Variants in NR3C2 observed in about 807,000 individuals in gnomAD.
NR3C2 encodes nuclear receptor subfamily 3 group C member 2.
NR3C2 carries 15 observed loss-of-function variants against 86.4 expected under a neutral mutation model. That is an observed-to-expected ratio of 0.17 (90% confidence interval 0.12 to 0.27). The LOEUF (loss-of-function observed/expected upper bound fraction) is 0.27, where lower values mean the gene tolerates loss of function less well. Among genes scored for constraint, NR3C2 ranks in the 10% least tolerant of loss-of-function variants. NR3C2 has a pLI of 1.00. For missense variants in NR3C2, 960 were observed against 1,195.6 expected, an observed-to-expected ratio of 0.80 and a Z score of 2.91; for synonymous variants, 458 against 450.5, an observed-to-expected ratio of 1.02 and a Z score of -0.21.
intron 3 of NR3C2, among the ~76,000 whole-genome samples, chr4:148,248,514 T>G (rs1410958850): frequency 6.6e-6 from 1 of 152,218 alleles, no homozygotes; most frequent in Non-Finnish European, 1.5e-5. Context: ...AGTTGTGATC[T>G]TCTAAATTGT....
chr4:148,155,204 C>T lies in NR3C2; in HGVS notation c.2015-303G>A, dbSNP rs1304598527. Among the ~76,000 whole-genome samples, 8 of 152,170 alleles carry T rather than the reference C, an allele frequency of 5.3e-5. 1 individual carries two copies. Among genetic ancestry groups the T allele is most frequent in the Non-Finnish European group, 1.0e-4 (7 of 68,032 alleles). On this transcript the variant is annotated intron_variant, in intron 4 of 8. Transcript: ENST00000358102. ...ATGTTCAGTATAACCAAGCCTTACC[C>T]GGTCCTCAACAAGTGTTCAGCCTAG...
chr4:148,138,396 T>G (rs892758454), intron 6 of NR3C2, among the ~76,000 whole-genome samples: 1 of 152,170 alleles, frequency 6.6e-6, no homozygotes, highest in African/African-American at 2.4e-5. Context: ...CCTATTTTAT[T>G]TTTTTGAGAC....
At chr4:148,167,790 AAG>A (rs1384003310) in intron 4 of NR3C2, among the ~76,000 whole-genome samples, 1 of 152,248 alleles carries the variant, frequency 6.6e-6, no homozygotes, top group Admixed American at 6.5e-5. Flanking sequence ...GCGAAATGGA[AAG>A]AGAGGATGTT....
At chr4:148,296,584 T>TAA (rs77790802) in intron 2 of NR3C2, among the ~76,000 whole-genome samples, 3 of 139,206 alleles carry the variant, frequency 2.2e-5, no homozygotes, top group South Asian at 2.3e-4. Context: ...TCTGACCAAT[T>TAA]AAAAAAAAAA....
chr4:148,365,863 C>T (rs768427547), intron 2 of NR3C2, among the ~76,000 whole-genome samples: 10 of 152,090 alleles, frequency 6.6e-5, no homozygotes, highest in Non-Finnish European at 1.2e-4. Flanking sequence ...CACAAACTCC[C>T]GGAAATTCCA....
intron 6 of NR3C2, among the ~76,000 whole-genome samples, chr4:148,137,002 C>T (rs1180816552): frequency 6.6e-6 from 1 of 152,068 alleles, no homozygotes; most frequent in Non-Finnish European, 1.5e-5. Flanking sequence ...TACTGACTGG[C>T]GAAAGGCTGG....
At chr4:148,230,158 G>C (rs1738385165) in intron 3 of NR3C2, among the ~76,000 whole-genome samples, 1 of 152,078 alleles carries the variant, frequency 6.6e-6, no homozygotes, top group Non-Finnish European at 1.5e-5. Flanking sequence ...CACTTACAGG[G>C]GAGAACAGAG....
chr4:148,225,328 G>A (rs1202587636), intron 3 of NR3C2, among the ~76,000 whole-genome samples: 1 of 152,080 alleles, frequency 6.6e-6, no homozygotes, highest in Non-Finnish European at 1.5e-5. Flanking sequence ...AAAATTGTAT[G>A]AGTTTTTAGA....
chr4:148,100,002 C>T (rs1356125370), intron 8 of NR3C2, among the ~76,000 whole-genome samples: 1 of 152,182 alleles, frequency 6.6e-6, no homozygotes, highest in Non-Finnish European at 1.5e-5. Flanking sequence ...AGTTTTTCTG[C>T]AGTGTTCTTA....
intron 2 of NR3C2, among the ~76,000 whole-genome samples, chr4:148,288,905 G>C (rs535118279): frequency 5.6e-4 from 86 of 152,234 alleles, no homozygotes; most frequent in African/African-American, 1.9e-3. Context: ...TAGTGCTAAA[G>C]GAATGTTTGG....
In NR3C2 at chr4:148,089,623, C is replaced by T. The variant is rs191647462; in HGVS notation, c.2800-8124G>A. Among the ~76,000 whole-genome samples, 12 of 152,284 alleles carry T rather than the reference C, an allele frequency of 7.9e-5. No homozygotes were observed. In the South Asian group the frequency reaches 1.9e-3, roughly 24 times the overall value. ...TTCTGGTGGAACTTGGTCCTTGGGT[C>T]CCCCTTCTATAAAATGAGGGATGGG... On this transcript the variant is annotated intron_variant, in intron 8 of 8. Transcript: ENST00000358102.
chr4:148,285,927 T>C (rs1741498259), intron 2 of NR3C2, among the ~76,000 whole-genome samples: 1 of 152,212 alleles, frequency 6.6e-6, no homozygotes, highest in African/African-American at 2.4e-5. Flanking sequence ...ACAGAATTCA[T>C]TCTAGAGGGA....
At chr4:148,396,188 A>G (rs559142467) in intron 2 of NR3C2, among the ~76,000 whole-genome samples, 4 of 152,340 alleles carry the variant, frequency 2.6e-5, no homozygotes, top group African/African-American at 9.6e-5. Context: ...TAATCCCAAC[A>G]CCAAAGTTGT....
chr4:148,146,201 C>G (rs62332226), intron 6 of NR3C2, among the ~76,000 whole-genome samples: 19,542 of 152,146 alleles, frequency 0.13, 1,402 homozygotes, highest in South Asian at 0.2. Context: ...CCCCAACCAT[C>G]GCTGGCCCTA....
chr4:148,416,470 A>C (rs75064073), intron 2 of NR3C2, among the ~76,000 whole-genome samples: 2,108 of 152,312 alleles, frequency 0.014, 48 homozygotes, highest in African/African-American at 0.047. Context: ...AAGGTTAATA[A>C]ATAATTTGCC....
At chr4:148,362,563 A>T (rs1745892720) in intron 2 of NR3C2, among the ~76,000 whole-genome samples, 1 of 152,190 alleles carries the variant, frequency 6.6e-6, no homozygotes, top group Non-Finnish European at 1.5e-5. Flanking sequence ...CACTTACGGA[A>T]TTGTACATAT....
Position 148,381,346 on chromosome 4 carries a change from T to C in NR3C2, c.1757+53758A>G, listed in dbSNP as rs548408345. ...AAGTGAGCTAGCCCAGTTGTTCAAA[T>C]GCCATGTACTGTTTCTCTAGAAAAA... On this transcript the variant is annotated intron_variant, in intron 2 of 8. Transcript: ENST00000358102. Among the ~76,000 whole-genome samples the C allele has an allele frequency of 1.8e-4, 27 of 152,340 alleles. 1 individual carries two copies. The South Asian group carries it at 3.3e-3, about 19-fold the overall frequency.
At chr4:148,426,550 A>G (rs1391421337) in intron 2 of NR3C2, among the ~76,000 whole-genome samples, 1 of 152,140 alleles carries the variant, frequency 6.6e-6, no homozygotes, top group African/African-American at 2.4e-5. Context: ...AGACTACCTG[A>G]TTCTTCCCTT....
chr4:148,165,153 T>A (rs1734824410), intron 4 of NR3C2, among the ~76,000 whole-genome samples: 1 of 152,228 alleles, frequency 6.6e-6, no homozygotes. Context: ...ATTTAAACTA[T>A]AATACATGTA....
Sources: allele counts gnomAD v4.1 joint callset (sites outside exome capture counted in the v4.1 genomes callset), GRCh38; gene constraint gnomAD v4.1.1; transcripts MANE v1.5; gene names NCBI Gene and HGNC (gene_info 2026-07-23, HGNC 2026-07-21).